The following SAFB2 variants were observed in gnomAD, a reference collection of about 807,000 sequenced individuals.
SAFB2 encodes the protein scaffold attachment factor B2.
A neutral mutation model predicts 100.6 loss-of-function variants in SAFB2; 32 were observed. The observed-to-expected ratio is 0.32, with a 90% CI of 0.24 to 0.43. The LOEUF (loss-of-function observed/expected upper bound fraction) is 0.43. Among genes scored for constraint, SAFB2 ranks in the 20% least tolerant of loss-of-function variants. The pLI is 1.00. For missense variants in SAFB2, 1,185 were observed against 1,163.4 expected (o/e 1.02, Z -0.27); for synonymous variants, 500 against 439.4 (o/e 1.14, Z -1.72).
chr19:5,589,503 G>T (rs1486692557), intron 18 of SAFB2, among the ~76,000 whole-genome samples: 1 of 151,982 alleles, frequency 6.6e-6, no homozygotes, highest in African/African-American at 2.4e-5. Flanking sequence ...GGCAGCCCTG[G>T]GCCAGGGCTG....
At chr19:5,588,103 C>G (rs2052303642) in intron 18 of SAFB2, 123 bp from the exon 19 acceptor site, 1 of 810,830 alleles carries the variant, frequency 1.2e-6, no homozygotes, top group Non-Finnish European at 1.9e-6. Context: ...GGCTGCATGT[C>G]AAGTGGGCAA....
chr19:5,604,675 C>T lies in SAFB2; in HGVS notation c.1467G>A (p.Gly489=), dbSNP rs973344216. The T allele has an allele frequency of 1.9e-6, 3 of 1,614,176 alleles. No individual in the cohort carries two copies. The Admixed American group carries it at 5.0e-5, about 27-fold the overall frequency. The change falls in exon 11 of 21, where the codon GGG becomes GGA. Residue 489 remains glycine (G), a synonymous_variant. Transcript: ENST00000252542. Reference sequence around the variant, plus strand: ...ACTCTTTTCTGTCGGAAAGCTTTTTCCCAGCAGGCTCATTTTTGGCCTAAA... The same window carrying T: ...ACTCTTTTCTGTCGGAAAGCTTTTTTCCAGCAGGCTCATTTTTGGCCTAAA... The part of the protein sequence containing the change: ...SVEKAKNEPA[G]KKLSDRKECE...
intron 18 of SAFB2, among the ~76,000 whole-genome samples, chr19:5,589,273 G>A (rs188132300): frequency 1.3e-5 from 2 of 152,326 alleles, no homozygotes; most frequent in East Asian, 1.9e-4. Context: ...TGCTAATGAA[G>A]TCTCACAGGA....
chr19:5,606,025 AAGGAGCAGAGGGAACAATC>A lies in SAFB2; in HGVS notation c.1297-1108_1297-1090del, dbSNP rs556779579. Among the ~76,000 whole-genome samples the A allele has an allele frequency of 4.6e-3, 700 of 152,272 alleles. 9 individuals are homozygous for A. Among genetic ancestry groups the A allele is most frequent in the African/African-American group, 0.016 (671 of 41,564 alleles). On this transcript the variant is annotated intron_variant, in intron 9 of 20. Coordinates refer to ENST00000252542, the MANE Select transcript of SAFB2 (RefSeq NM_014649.3). The stretch of plus-strand genomic sequence containing the variant: ...CAGAGGCTGGGACAGCACCACCCAT[AAGGAGCAGAGGGAACAATC>A]AGGAGCAGAGGGAACAACCACTGGA...
chr19:5,591,634 T>C (rs2145316212), intron 17 of SAFB2, 114 bp downstream of exon 17: 1 of 955,016 alleles, frequency 1.0e-6, no homozygotes, highest in African/African-American at 1.6e-5. Flanking sequence ...CCGCCACACG[T>C]GCTGACTTGG....
At position 5,587,045 on chromosome 19, in the gene SAFB2, A is replaced by G; in HGVS notation, c.*198T>C. The G allele has an allele frequency of 1.4e-6, 1 of 737,152 alleles. No homozygotes were observed. The highest frequency in any genetic ancestry group is 2.2e-6 in the Non-Finnish European group (1 of 460,682). The allele number at this position is 737,152 out of a possible 1,614,324, so 45.7% of individuals were successfully genotyped here. ...ATGGAAAATGGAATGCCTCGTTAAC[A>G]GAAACCTTGATTTAAAAATGGCAGA... On this transcript the variant is annotated 3_prime_UTR_variant, in exon 21 of 21. Transcript: ENST00000252542. This position sits in a 1 kb window ranked among gnomAD's most constrained non-coding sequence, Gnocchi z 4.9.
chr19:5,609,736 C>T (rs1378722225), intron 9 of SAFB2, among the ~76,000 whole-genome samples: 1 of 152,220 alleles, frequency 6.6e-6, no homozygotes, highest in Non-Finnish European at 1.5e-5. Context: ...CTGCCCTGCT[C>T]CGCACCCTAG....
chr19:5,621,524 A>C, intron 1 of SAFB2, 128 bp from the exon 2 acceptor site: 2 of 709,786 alleles, frequency 2.8e-6, no homozygotes, highest in South Asian at 3.0e-5. Flanking sequence ...CGGGTCAGCT[A>C]TCTGGGCCGC....
At chr19:5,592,147 G>C (rs1048990066) in intron 16 of SAFB2, among the ~76,000 whole-genome samples, 5 of 152,100 alleles carry the variant, frequency 3.3e-5, no homozygotes, top group African/African-American at 1.2e-4. Flanking sequence ...AACTCCAGCA[G>C]AATTAAGAGT....
rs2053028573 is a variant in SAFB2, at chr19:5,616,279, A to G, written c.396T>C (p.Ser132=). The G allele has an allele frequency of 6.2e-7, 1 of 1,614,058 alleles. No individual in the cohort carries two copies. The highest frequency in any genetic ancestry group is 1.1e-5 in the South Asian group (1 of 91,072). The change falls in exon 4 of 21, where the codon AGT becomes AGC. Residue 132 remains serine (S), a synonymous_variant. Coordinates refer to ENST00000252542, the MANE Select transcript of SAFB2 (RefSeq NM_014649.3). ...TCGCCACTTCAGTTTCGTCTAGCAC[A>G]CTCATGTCCATCATGCCCATATTCT... ...NLQNMGMMDM[S]VLDETEVANS... is the part of the protein sequence containing the mutation.
intron 4 of SAFB2, among the ~76,000 whole-genome samples, chr19:5,615,443 C>G (rs551924166): frequency 1.3e-5 from 2 of 152,122 alleles, no homozygotes; most frequent in Non-Finnish European, 2.9e-5. Flanking sequence ...CACGGTGGAC[C>G]ACACCTATAA....
intron 11 of SAFB2, 63 bp from the exon 12 acceptor site, chr19:5,600,323 C>G (rs2052628893): frequency 2.5e-6 from 4 of 1,586,068 alleles, no homozygotes. Flanking sequence ...ACGGCTCACC[C>G]AGAGCCTCGA....
intron 8 of SAFB2, chr19:5,610,321 A>G (rs1281751022): frequency 1.7e-6 from 1 of 593,638 alleles, no homozygotes; most frequent in African/African-American, 1.9e-5. Flanking sequence ...TCAGTTATGA[A>G]CTGAAATGTC....
rs753298952 is a variant in SAFB2 at position 5,587,439 on chromosome 19, C to A, written c.2706-40G>T. On this transcript the variant is annotated intron_variant, in intron 20 of 20. Coordinates refer to ENST00000252542, the MANE Select transcript of SAFB2 (RefSeq NM_014649.3). This position sits in a 1 kb window ranked among gnomAD's most constrained non-coding sequence, Gnocchi z 4.9. ...AGACAATTTTTTTCCCCTTGAAGTG[C>A]TCAGCGTTTTCATCGTAACATGGGT... 2.0e-5 allele frequency: 32 copies of A among 1,570,170 alleles called. No homozygotes were observed. The highest frequency in any genetic ancestry group is 3.7e-5 in the Admixed American group (2 of 53,842).
At chr19:5,590,484 C>T in intron 17 of SAFB2, 76 bp from the exon 18 acceptor site, 1 of 1,466,940 alleles carries the variant, frequency 6.8e-7, no homozygotes, top group Non-Finnish European at 9.1e-7. Flanking sequence ...GGCCTGTCCA[C>T]TGCAGGCCCC....
intron 11 of SAFB2, among the ~76,000 whole-genome samples, chr19:5,603,438 A>G (rs997273112): frequency 1.3e-5 from 2 of 152,232 alleles, no homozygotes; most frequent in African/African-American, 2.4e-5. Flanking sequence ...CTTCTGAGAC[A>G]CTGCCATGAT....
At chr19:5,589,830 G>A (rs934043507) in intron 18 of SAFB2, among the ~76,000 whole-genome samples, 3 of 152,114 alleles carry the variant, frequency 2.0e-5, no homozygotes, top group Non-Finnish European at 2.9e-5. Context: ...GATTCTAATA[G>A]GCAGGATAGG....
intron 18 of SAFB2, among the ~76,000 whole-genome samples, chr19:5,589,969 G>C (rs2052354234): frequency 6.6e-6 from 1 of 152,198 alleles, no homozygotes; most frequent in African/African-American, 2.4e-5. Context: ...AAGAGCTTCA[G>C]CGCTGTCTCT....
rs776140642 is a variant in SAFB2, at chr19:5,604,527, G to T, written c.1559+56C>A. 413 of 1,351,816 alleles carry T rather than the reference G, an allele frequency of 3.1e-4. 1 individual carries two copies. Among genetic ancestry groups the T allele is most frequent in the Non-Finnish European group, 3.9e-4 (372 of 949,326 alleles). The allele number at this position is 1,351,816 out of a possible 1,614,324, so 83.7% of individuals were successfully genotyped here. ...TGCGTGTTTTTCAAGGCCCATGGTG[G>T]CTGCCCGTGCCCTCCTCCCAGGGAT... is the stretch of plus-strand genomic sequence containing the variant. On this transcript the variant is annotated intron_variant, in intron 11 of 20. Coordinates refer to ENST00000252542, the MANE Select transcript of SAFB2 (RefSeq NM_014649.3).
Sources: gnomAD v4.1 joint callset for allele counts (sites outside exome capture counted in the v4.1 genomes callset) on GRCh38, gnomAD v4.1.1 for gene constraint, Gnocchi (gnomAD v3.1) non-coding constraint, MANE v1.5 for transcripts, NCBI Gene and HGNC (gene_info 2026-07-23, HGNC 2026-07-21) for gene names.